The following MYOCD variants were observed in gnomAD, a reference collection of about 807,000 sequenced individuals.
MYOCD encodes myocardin.
Under a neutral mutation model 96.1 loss-of-function variants are expected in MYOCD, and 32 were observed. That is an observed-to-expected ratio of 0.33 (90% CI 0.25 to 0.45). The LOEUF (loss-of-function observed/expected upper bound fraction) is 0.45. MYOCD is among the 20% of genes least tolerant of loss of function. MYOCD has a pLI of 1.00. For synonymous variants in MYOCD, 469 were observed against 469.0 expected, an observed-to-expected ratio of 1.00 and a Z score of 0.00; for missense variants, 1,133 against 1,200.6, an observed-to-expected ratio of 0.94 and a Z score of 0.83.
intron 1 of MYOCD, among the ~76,000 whole-genome samples, chr17:12,667,050 T>C (rs1909418920): frequency 6.6e-6 from 1 of 152,250 alleles, no homozygotes; most frequent in Non-Finnish European, 1.5e-5. Context: ...TTTAGAAAAC[T>C]GGTTAACAAC....
chr17:12,704,229 T>C (rs910189432), intron 1 of MYOCD, among the ~76,000 whole-genome samples: 21 of 152,124 alleles, frequency 1.4e-4, no homozygotes, highest in Non-Finnish European at 8.8e-5. Context: ...AAGCTCTCTC[T>C]TGTCAGTGTA....
At chr17:12,760,797 CTG>C in intron 13 of MYOCD, 90 bp downstream of exon 13, 1 of 1,062,556 alleles carries the variant, frequency 9.4e-7, no homozygotes, top group South Asian at 1.3e-5. Context: ...CAGATGCACA[CTG>C]TGAGTTGGAT....
At chr17:12,687,225 T>A (rs1428495632) in intron 1 of MYOCD, among the ~76,000 whole-genome samples, 4 of 152,062 alleles carry the variant, frequency 2.6e-5, no homozygotes, top group Non-Finnish European at 4.4e-5. Flanking sequence ...TAATATGTTT[T>A]AAAAAAAATT....
In MYOCD at chr17:12,763,393, A is replaced by G. The variant is rs2033243736; in HGVS notation, c.2710A>G (p.Ile904Val). 6.2e-7 allele frequency: 1 copy of G among 1,603,724 alleles called. No homozygotes were observed. The highest frequency in any genetic ancestry group is 8.5e-7 in the Non-Finnish European group (1 of 1,174,052). The change falls in exon 14 of 14, where the codon ATC becomes GTC. Residue 904 changes from isoleucine to valine, a missense_variant. By Grantham distance (29) the Ile-to-Val change is conservative. Transcript: ENST00000425538. The part of the protein sequence containing the change: ...AAEDLFNAHE[I>V]LPGPLSPMQT... ...AGAAGACCTCTTCAATGCACATGAG[A>G]TCTTGCCAGGCCCCCTCTCTCCAAT...
intron 1 of MYOCD, among the ~76,000 whole-genome samples, chr17:12,670,435 C>G (rs1909637080): frequency 1.3e-5 from 2 of 152,184 alleles, no homozygotes; most frequent in South Asian, 4.1e-4. Context: ...CTCAACATCT[C>G]TGGCACTGAA....
intron 1 of MYOCD, among the ~76,000 whole-genome samples, chr17:12,690,737 G>C (rs7225841): frequency 0.067 from 10,237 of 152,198 alleles, 540 homozygotes; most frequent in Admixed American, 0.14. Flanking sequence ...GGAAGGGGAC[G>C]AGGGAAATTT....
intron 1 of MYOCD, among the ~76,000 whole-genome samples, chr17:12,688,724 C>T (rs1301050807): frequency 6.6e-6 from 1 of 150,390 alleles, no homozygotes; most frequent in African/African-American, 2.4e-5. Flanking sequence ...TCTTCCATCT[C>T]CTTCCTCTCT....
chr17:12,716,248 G>A (rs898563622), intron 3 of MYOCD, among the ~76,000 whole-genome samples: 2 of 152,200 alleles, frequency 1.3e-5, no homozygotes, highest in African/African-American at 2.4e-5. Flanking sequence ...GAGAGGAAGA[G>A]GAGGGATCTG....
chr17:12,687,162 A>AT (rs11429001), intron 1 of MYOCD, among the ~76,000 whole-genome samples: 2,380 of 151,132 alleles, frequency 0.016, 68 homozygotes, highest in African/African-American at 0.052. Context: ...CCTCCATGCT[A>AT]TTTTTTTTTC....
Position 12,767,303 on chromosome 17 carries a change from A to T in MYOCD, c.*3659A>T, listed in dbSNP as rs1267087009. 1 of 152,192 alleles carries T rather than the reference A, an allele frequency of 6.6e-6. No homozygotes were observed. The highest frequency in any genetic ancestry group is 1.5e-5 in the Non-Finnish European group (1 of 68,040). 9.4% of individuals were successfully genotyped at this position (152,192 alleles called of 1,614,324 possible). A position where few individuals can be genotyped will look rare whatever the true frequency, so the allele number is the denominator to read the frequency against. ...AAAACATTTATGTCCAACCTGAAAA[A>T]AAAGCATCAATAAAACCTATCCCAA... On this transcript the variant is annotated 3_prime_UTR_variant, in exon 14 of 14. Coordinates refer to ENST00000425538, the MANE Select transcript of MYOCD (RefSeq NM_001146312.3).
chr17:12,761,401 C>T (rs1046083908), intron 13 of MYOCD: 4 of 139,784 alleles, frequency 2.9e-5, no homozygotes, highest in East Asian at 4.7e-4. Flanking sequence ...TCATAGTCTC[C>T]GTGCTATGAT....
chr17:12,689,707 T>A (rs1364626513), intron 1 of MYOCD, among the ~76,000 whole-genome samples: 3 of 152,088 alleles, frequency 2.0e-5, no homozygotes, highest in Admixed American at 6.6e-5. Context: ...GGCAGGCAAC[T>A]GTAATCCCAG....
At chr17:12,713,877 G>C (rs909841052) in intron 2 of MYOCD, among the ~76,000 whole-genome samples, 2 of 152,116 alleles carry the variant, frequency 1.3e-5, no homozygotes, top group Non-Finnish European at 2.9e-5. Flanking sequence ...TGGGAGAAAT[G>C]GGAGAAAAGG....
chr17:12,739,053 G>T, intron 6 of MYOCD, 150 bp from the exon 7 acceptor site: 1 of 783,708 alleles, frequency 1.3e-6, no homozygotes. Flanking sequence ...ATATACGTAT[G>T]TGACTCCTCC....
At chr17:12,696,631 G>A (rs1482833511) in intron 1 of MYOCD, among the ~76,000 whole-genome samples, 2 of 152,108 alleles carry the variant, frequency 1.3e-5, no homozygotes, top group African/African-American at 4.8e-5. Flanking sequence ...GGTGGTTAAT[G>A]TATTATTTTT....
intron 4 of MYOCD, among the ~76,000 whole-genome samples, chr17:12,719,521 C>G (rs1168279994): frequency 2.0e-5 from 3 of 151,830 alleles, no homozygotes; most frequent in Non-Finnish European, 4.4e-5. Flanking sequence ...AACTATGGAT[C>G]AACCATACAA....
intron 7 of MYOCD, among the ~76,000 whole-genome samples, chr17:12,740,982 C>T (rs1258256415): frequency 6.6e-6 from 1 of 152,170 alleles, no homozygotes; most frequent in African/African-American, 2.4e-5. Context: ...AGGTAATCCA[C>T]CTGCCTCAGC....
Position 12,766,220 on chromosome 17 carries a change from G to A in MYOCD, c.*2576G>A, listed in dbSNP as rs1161158369. ...ACACAGTGCCCCTACTCTGAGACCT[G>A]GGACTGAGTGTTAATTATTTTTTCC... On this transcript the variant is annotated 3_prime_UTR_variant, in exon 14 of 14. Coordinates refer to ENST00000425538, the MANE Select transcript of MYOCD (RefSeq NM_001146312.3). The A allele has an allele frequency of 1.3e-5, 2 of 152,262 alleles. No individual in the cohort carries two copies. The highest frequency in any genetic ancestry group is 3.9e-4 in the East Asian group (2 of 5,186). The allele number at this position is 152,262 out of a possible 1,614,324, so 9.4% of individuals were successfully genotyped here.
intron 1 of MYOCD, among the ~76,000 whole-genome samples, chr17:12,673,760 G>C (rs1005830740): frequency 6.6e-6 from 1 of 152,150 alleles, no homozygotes; most frequent in Non-Finnish European, 1.5e-5. Flanking sequence ...TGTAATGATG[G>C]CTAGTGTTTT....
Sources: gnomAD v4.1 joint callset for allele counts (sites outside exome capture counted in the v4.1 genomes callset) on GRCh38, gnomAD v4.1.1 for gene constraint, MANE v1.5 for transcripts, NCBI Gene and HGNC (gene_info 2026-07-23, HGNC 2026-07-21) for gene names.